BCAS3: variants seen among roughly 807,000 people sequenced by gnomAD.
The protein encoded by BCAS3 is BCAS4/BCAS3 fusion.
BCAS3 carries 53 observed loss-of-function variants against 116.1 expected under a neutral mutation model. The ratio of observed to expected loss-of-function variants is 0.46; its 90% confidence interval spans 0.37 to 0.57. The LOEUF is 0.57. Among genes scored for constraint, BCAS3 ranks in the 20% least tolerant of loss-of-function variants. The probability of loss-of-function intolerance (pLI) is 0.00; values close to 1 mark genes in which losing one functional copy is unlikely to be tolerated. For synonymous variants in BCAS3, 391 were observed against 408.2 expected, an observed-to-expected ratio of 0.96 and a Z score of 0.51; for missense variants, 917 against 1,165.4, an observed-to-expected ratio of 0.79 and a Z score of 3.10.
chr17:60,937,019 C>T (rs1300323280), intron 13 of BCAS3, among the ~76,000 whole-genome samples: 1 of 152,108 alleles, frequency 6.6e-6, no homozygotes, highest in Non-Finnish European at 1.5e-5. Flanking sequence ...TTTAATCCAT[C>T]TTGAATTAAT....
chr17:61,298,373 C>G (rs1453194474), intron 22 of BCAS3, among the ~76,000 whole-genome samples: 2 of 152,136 alleles, frequency 1.3e-5, no homozygotes, highest in African/African-American at 4.8e-5. Flanking sequence ...AGGCCCCTCC[C>G]CACCCAGTCA....
intron 13 of BCAS3, among the ~76,000 whole-genome samples, chr17:60,937,679 C>G (rs1416910105): frequency 1.3e-5 from 2 of 152,192 alleles, no homozygotes; most frequent in East Asian, 3.8e-4. Flanking sequence ...CTGCTTGATA[C>G]AGATTGTTCT....
chr17:61,015,609 A>G, intron 15 of BCAS3, 142 bp from the exon 16 acceptor site: 1 of 844,258 alleles, frequency 1.2e-6, no homozygotes, highest in Non-Finnish European at 1.9e-6. Flanking sequence ...CATCCACATA[A>G]TTGTAATTCT....
chr17:60,898,949 C>T (rs1215027058), intron 10 of BCAS3, among the ~76,000 whole-genome samples: 1 of 151,924 alleles, frequency 6.6e-6, no homozygotes, highest in Admixed American at 6.6e-5. Context: ...AACCTCAGAC[C>T]CCCTGGAGGA....
At chr17:61,153,452 A>C (rs2077653266) in intron 22 of BCAS3, among the ~76,000 whole-genome samples, 1 of 152,196 alleles carries the variant, frequency 6.6e-6, no homozygotes, top group Non-Finnish European at 1.5e-5. Context: ...TTTACTATGA[A>C]TATCAGAGGG....
In BCAS3 at chr17:61,198,745, A is replaced by T. The variant is rs954055978; in HGVS notation, c.2425+114181A>T. On this transcript the variant is annotated intron_variant, in intron 22 of 23. Transcript: ENST00000407086. This position sits in a 1 kb window ranked among gnomAD's most constrained non-coding sequence, Gnocchi z 5.0. ...TTCTTAGCATTTATCTTCAAACCTT[A>T]AGTGTAAAAATGAGACAGAGGCTTA... Among the ~76,000 whole-genome samples, 1 of 152,198 alleles carries T rather than the reference A, an allele frequency of 6.6e-6. No individual in the cohort carries two copies. Among genetic ancestry groups the T allele is most frequent in the African/African-American group, 2.4e-5 (1 of 41,442 alleles).
At chr17:60,868,508 A>G (rs2054825960) in intron 7 of BCAS3, 68 bp from the exon 8 acceptor site, 1 of 867,760 alleles carries the variant, frequency 1.2e-6, no homozygotes, top group East Asian at 3.1e-5. Flanking sequence ...TGTTAATGAG[A>G]AAGTATAGAG....
intron 6 of BCAS3, among the ~76,000 whole-genome samples, chr17:60,802,184 T>C (rs2047846041): frequency 1.3e-5 from 2 of 150,976 alleles, no homozygotes; most frequent in South Asian, 4.2e-4. Context: ...CTTGGGAGGC[T>C]GAGGCAGGAG....
intron 22 of BCAS3, among the ~76,000 whole-genome samples, chr17:61,289,927 C>T (rs760804186): frequency 7.2e-5 from 11 of 152,052 alleles, no homozygotes; most frequent in Non-Finnish European, 1.0e-4. Flanking sequence ...TATTTTGCCC[C>T]GTGTCCTTGC....
chr17:61,154,198 A>AAGGG (rs2077699935), intron 22 of BCAS3, among the ~76,000 whole-genome samples: 1 of 152,092 alleles, frequency 6.6e-6, no homozygotes, highest in Non-Finnish European at 1.5e-5. Flanking sequence ...GGAAGGAAGG[A>AAGGG]AGGGAGGGAA....
Position 61,387,549 on chromosome 17 carries a change from G to A in BCAS3, c.2594-4428G>A, listed in dbSNP as rs762470703. Among the ~76,000 whole-genome samples, 6 of 152,124 alleles carry A rather than the reference G, an allele frequency of 3.9e-5. No homozygotes were observed. Among genetic ancestry groups the A allele is most frequent in the East Asian group, 1.9e-4 (1 of 5,184 alleles). The stretch of plus-strand genomic sequence containing the variant: ...CATCCTTCACTTGTTTCATGAGAGC[G>A]GAGGCACCTTTCCTTCAGTTGCTAC... On this transcript the variant is annotated intron_variant, in intron 23 of 23. Transcript: ENST00000407086. This position sits in a 1 kb window ranked among gnomAD's most constrained non-coding sequence, Gnocchi z 6.2.
At chr17:60,748,903 GC>G in intron 6 of BCAS3, 1 of 152,186 alleles carries the variant, frequency 6.6e-6, no homozygotes, top group Middle Eastern at 3.4e-3. Flanking sequence ...TACTTGTGTA[GC>G]TTTTATTGTA....
intron 22 of BCAS3, among the ~76,000 whole-genome samples, chr17:61,201,841 C>T (rs2080841625): frequency 6.6e-6 from 1 of 151,240 alleles, no homozygotes; most frequent in South Asian, 2.1e-4. Flanking sequence ...TCACTGCAAC[C>T]TCCGCCTCCC....
Position 61,182,437 on chromosome 17 carries a change from A to G in BCAS3, c.2425+97873A>G, listed in dbSNP as rs2079536729. Among the ~76,000 whole-genome samples the G allele has an allele frequency of 2.6e-5, 4 of 152,326 alleles. No individual in the cohort carries two copies. In the South Asian group the frequency reaches 6.2e-4, roughly 24 times the overall value. On this transcript the variant is annotated intron_variant, in intron 22 of 23. Transcript: ENST00000407086. ...CATCACCCATCTTCAATAATTATCA[A>G]TAAATAACCAAGCTTGTCTTATCCT... is the stretch of plus-strand genomic sequence containing the variant.
intron 22 of BCAS3, among the ~76,000 whole-genome samples, chr17:61,293,793 C>T (rs2052656746): frequency 6.6e-6 from 1 of 152,250 alleles, no homozygotes; most frequent in Non-Finnish European, 1.5e-5. Context: ...CAGGGTCTCA[C>T]TCTGTCACCC....
chr17:61,317,821 G>A lies in BCAS3; in HGVS notation c.2426-50506G>A, dbSNP rs184253369. The stretch of plus-strand genomic sequence containing the variant: ...ACAGAAGCCTAGTAATTAGAGCAGA[G>A]ACACGGTGTCAGAGCCAGCCAAGGG... On this transcript the variant is annotated intron_variant, in intron 22 of 23. Coordinates refer to ENST00000407086, the MANE Select transcript of BCAS3 (RefSeq NM_017679.5). 8.3e-4 allele frequency among the ~76,000 whole-genome samples: 126 copies of A among 152,328 alleles called. 1 individual carries two copies. Among genetic ancestry groups the A allele is most frequent in the Non-Finnish European group, 2.5e-4 (17 of 68,032 alleles).
At chr17:60,908,756 G>A (rs780257650) in intron 11 of BCAS3, among the ~76,000 whole-genome samples, 1 of 152,138 alleles carries the variant, frequency 6.6e-6, no homozygotes, top group African/African-American at 2.4e-5. Flanking sequence ...CTTTCTCTTG[G>A]TTTTAGTCTG....
chr17:61,375,247 T>TGTGTGCGCGCACAC (rs1555861860), intron 23 of BCAS3, among the ~76,000 whole-genome samples: 36 of 129,760 alleles, frequency 2.8e-4, no homozygotes, highest in African/African-American at 1.6e-3. Context: ...TGTGTGTGTG[T>TGTGTGCGCGCACAC]GTGTGTGTAC....
intron 22 of BCAS3, among the ~76,000 whole-genome samples, chr17:61,133,210 T>G (rs1316738342): frequency 1.3e-5 from 2 of 152,182 alleles, no homozygotes; most frequent in Non-Finnish European, 2.9e-5. Context: ...ATGTTACCCC[T>G]TTCTGATGAA....
Sources: gnomAD v4.1 joint callset for allele counts (sites outside exome capture counted in the v4.1 genomes callset) on GRCh38, gnomAD v4.1.1 for gene constraint, Gnocchi (gnomAD v3.1) non-coding constraint, MANE v1.5 for transcripts, NCBI Gene and HGNC (gene_info 2026-07-23, HGNC 2026-07-21) for gene names.